The following CTNNBL1 variants were observed in gnomAD, a reference collection of about 807,000 sequenced individuals.
CTNNBL1 encodes catenin beta like 1, also known as beta-catenin-like protein 1.
A neutral mutation model predicts 72.7 loss-of-function variants in CTNNBL1; 31 were observed. That is an observed-to-expected ratio of 0.43 (90% CI 0.32 to 0.58). The LOEUF is 0.58. CTNNBL1 is among the 20% of genes least tolerant of loss of function. The probability of loss-of-function intolerance (pLI) is 0.08; values close to 1 mark genes in which losing one functional copy is unlikely to be tolerated. For missense variants in CTNNBL1, 534 were observed against 725.1 expected, an observed-to-expected ratio of 0.74 and a Z score of 3.03; for synonymous variants, 240 against 267.3, an observed-to-expected ratio of 0.90 and a Z score of 1.00.
intron 1 of CTNNBL1, among the ~76,000 whole-genome samples, chr20:37,726,023 T>C (rs1214002640): frequency 1.3e-5 from 2 of 152,144 alleles, no homozygotes; most frequent in Non-Finnish European, 2.9e-5. Context: ...TTTATGTACA[T>C]GCATACATAT....
chr20:37,780,528 T>C (rs995136859), intron 10 of CTNNBL1, among the ~76,000 whole-genome samples: 17 of 152,274 alleles, frequency 1.1e-4, no homozygotes, highest in African/African-American at 4.1e-4. Context: ...ATTGCTACAT[T>C]TCAGACATAA....
intron 4 of CTNNBL1, among the ~76,000 whole-genome samples, chr20:37,753,011 G>T (rs1296488616): frequency 2.0e-5 from 3 of 152,032 alleles, no homozygotes; most frequent in Non-Finnish European, 4.4e-5. Flanking sequence ...AAGAAATGCT[G>T]GAGGGATAGC....
At chr20:37,701,250 A>G (rs576548436) in intron 1 of CTNNBL1, among the ~76,000 whole-genome samples, 1 of 152,286 alleles carries the variant, frequency 6.6e-6, no homozygotes, top group Non-Finnish European at 1.5e-5. Flanking sequence ...CATTTTCCCT[A>G]AATTGTTCTT....
At chr20:37,793,743 T>C (rs1446074229) in intron 10 of CTNNBL1, among the ~76,000 whole-genome samples, 1 of 152,182 alleles carries the variant, frequency 6.6e-6, no homozygotes, top group Non-Finnish European at 1.5e-5. Context: ...CTGTTATACA[T>C]TGTTGTTTTT....
chr20:37,845,759 T>A (rs1443779313), intron 13 of CTNNBL1, among the ~76,000 whole-genome samples: 1 of 152,196 alleles, frequency 6.6e-6, no homozygotes, highest in Non-Finnish European at 1.5e-5. Context: ...AATTGGGAGC[T>A]TAGCAAATAT....
intron 3 of CTNNBL1, among the ~76,000 whole-genome samples, chr20:37,739,625 CCAG>C (rs2073197911): frequency 6.6e-6 from 1 of 152,156 alleles, no homozygotes; most frequent in African/African-American, 2.4e-5. Flanking sequence ...AATTCTCCCC[CCAG>C]CAGCAGCATC....
rs879709999 is a variant in CTNNBL1 at position 37,871,971 on chromosome 20, G to T, written c.1650G>T (p.Glu550Asp). 1 of 1,614,142 alleles carries T rather than the reference G, an allele frequency of 6.2e-7. No individual in the cohort carries two copies. Among genetic ancestry groups the T allele is most frequent in the Admixed American group, 1.7e-5 (1 of 60,024 alleles). ...IGDGRSPEFR[E>D]NEQKRILGLL... ...ACGGCCGGAGCCCGGAGTTCCGGGAGAACGAGCAAAAGCGCATCCTGGGCT... is the reference window on the plus strand; with the variant it reads ...ACGGCCGGAGCCCGGAGTTCCGGGATAACGAGCAAAAGCGCATCCTGGGCT... Residue 550 changes from glutamate (E) to aspartate (D), a missense_variant, in exon 16 of 16, where the codon GAG becomes GAT. Physicochemically the swap from Glu to Asp is conservative, Grantham distance 45 (BLOSUM62 2). Coordinates refer to ENST00000361383, the MANE Select transcript of CTNNBL1 (RefSeq NM_030877.5).
chr20:37,732,840 T>C, intron 1 of CTNNBL1, 39 bp from the exon 2 acceptor site: 3 of 1,595,698 alleles, frequency 1.9e-6, no homozygotes, highest in South Asian at 2.2e-5. Flanking sequence ...GCTTCTATGT[T>C]GTATCCAGCT....
At chr20:37,822,118 G>C (rs904529731) in intron 11 of CTNNBL1, among the ~76,000 whole-genome samples, 1 of 152,164 alleles carries the variant, frequency 6.6e-6, no homozygotes, top group Non-Finnish European at 1.5e-5. Flanking sequence ...GAATAAATCT[G>C]TATTTTCTGC....
At chr20:37,846,018 G>A (rs1393182581) in intron 13 of CTNNBL1, among the ~76,000 whole-genome samples, 1 of 152,208 alleles carries the variant, frequency 6.6e-6, no homozygotes, top group Non-Finnish European at 1.5e-5. Context: ...TAGTCATTTG[G>A]CAAATGTTGA....
chr20:37,765,469 T>C (rs2073458739), intron 6 of CTNNBL1, among the ~76,000 whole-genome samples, 179 bp downstream of exon 6: 1 of 152,246 alleles, frequency 6.6e-6, no homozygotes, highest in Admixed American at 6.5e-5. Flanking sequence ...ACTTCAGCTT[T>C]GGTTTGGCTT....
At chr20:37,855,824 G>A (rs370839415) in intron 13 of CTNNBL1, among the ~76,000 whole-genome samples, 6 of 152,012 alleles carry the variant, frequency 3.9e-5, no homozygotes, top group Admixed American at 1.3e-4. Flanking sequence ...GTCCTTCCCC[G>A]TTTCCTGATG....
At chr20:37,837,475 T>A (rs1489836800) in intron 11 of CTNNBL1, among the ~76,000 whole-genome samples, 1 of 152,148 alleles carries the variant, frequency 6.6e-6, no homozygotes, top group Non-Finnish European at 1.5e-5. Context: ...TTTCAATACC[T>A]AAAAAAATGG....
At chr20:37,808,434 A>G (rs1238529169) in intron 11 of CTNNBL1, among the ~76,000 whole-genome samples, 1 of 152,240 alleles carries the variant, frequency 6.6e-6, no homozygotes, top group Non-Finnish European at 1.5e-5. Flanking sequence ...GCTGGGCTGT[A>G]ATGACATGGC....
At chr20:37,869,094 C>T (rs2072560834) in intron 15 of CTNNBL1, among the ~76,000 whole-genome samples, 2 of 152,228 alleles carry the variant, frequency 1.3e-5, no homozygotes, top group Non-Finnish European at 2.9e-5. Flanking sequence ...TAGGAGGCAT[C>T]ACAACCACTT....
At chr20:37,788,726 A>C (rs947488410) in intron 10 of CTNNBL1, among the ~76,000 whole-genome samples, 3 of 152,128 alleles carry the variant, frequency 2.0e-5, no homozygotes, top group African/African-American at 7.2e-5. Flanking sequence ...GGTATTTAGG[A>C]TTATATTAGG....
At chr20:37,845,989 C>T (rs879859034) in intron 13 of CTNNBL1, among the ~76,000 whole-genome samples, 3 of 152,166 alleles carry the variant, frequency 2.0e-5, no homozygotes, top group Non-Finnish European at 2.9e-5. Context: ...TGCAGTTGCC[C>T]AGGTCACTGG....
chr20:37,741,005 A>T (rs1568758972), intron 3 of CTNNBL1, among the ~76,000 whole-genome samples: 1 of 152,154 alleles, frequency 6.6e-6, no homozygotes, highest in Admixed American at 6.6e-5. Context: ...AGTGTTTTTG[A>T]ACTTTGCTGG....
intron 15 of CTNNBL1, among the ~76,000 whole-genome samples, chr20:37,863,448 G>T (rs975069384): frequency 2.0e-5 from 3 of 152,222 alleles, no homozygotes; most frequent in Admixed American, 6.5e-5. Context: ...TGAACAGTGT[G>T]CTGAGGGAGG....
Sources: gnomAD v4.1 joint callset for allele counts (sites outside exome capture counted in the v4.1 genomes callset) on GRCh38, gnomAD v4.1.1 for gene constraint, MANE v1.5 for transcripts, NCBI Gene and HGNC (gene_info 2026-07-23, HGNC 2026-07-21) for gene names.